Variants in MTOR observed in about 807,000 individuals in gnomAD.
MTOR encodes mechanistic target of rapamycin kinase.
In MTOR, 70 loss-of-function variants were observed where a neutral mutation model predicts 319.8. That is an observed-to-expected ratio of 0.22 (90% CI 0.18 to 0.27). The LOEUF is 0.27. Among genes scored for constraint, MTOR ranks in the 10% least tolerant of loss-of-function variants. The probability of loss-of-function intolerance (pLI) is 1.00; values close to 1 mark genes in which losing one functional copy is unlikely to be tolerated. For synonymous variants in MTOR, 1,183 were observed against 1,211.4 expected, an observed-to-expected ratio of 0.98 and a Z score of 0.49; for missense variants, 1,890 against 3,274.4, an observed-to-expected ratio of 0.58 and a Z score of 10.32.
At position 11,182,939 on chromosome 1, in the gene MTOR, C is replaced by T. The variant is rs1645207087; in HGVS notation, c.4254-15422G>A. 2.0e-5 allele frequency among the ~76,000 whole-genome samples: 3 copies of T among 152,194 alleles called. No individual in the cohort carries two copies. The South Asian group carries it at 6.2e-4, about 32-fold the overall frequency. On this transcript the variant is annotated intron_variant, in intron 28 of 57. Transcript: ENST00000361445. ...AGTACGCGGACACTCTTGTCCATGT[C>T]TTCTGGAGCATGTGTGCTTGCACTT...
intron 25 of MTOR, among the ~76,000 whole-genome samples, chr1:11,208,587 A>T (rs1043978261): frequency 1.3e-5 from 2 of 152,258 alleles, no homozygotes; most frequent in African/African-American, 4.8e-5. Context: ...CACCAGAAAC[A>T]TGAAAGACTA....
chr1:11,252,103 C>A (rs143993223), intron 6 of MTOR, among the ~76,000 whole-genome samples: 126 of 152,216 alleles, frequency 8.3e-4, no homozygotes, highest in African/African-American at 2.6e-3. Context: ...ATGCTCAAGT[C>A]CCTCCGATAA....
In MTOR at chr1:11,233,527, C is replaced by T. The variant is rs145684115; in HGVS notation, c.2332-40G>A. The T allele has an allele frequency of 8.0e-5, 119 of 1,494,436 alleles. 1 individual carries two copies. The African/African-American group carries it at 1.2e-3, about 15-fold the overall frequency. 92.6% of individuals were successfully genotyped at this position (1,494,436 alleles called of 1,614,324 possible). A position where few individuals can be genotyped will look rare whatever the true frequency, so the allele number is the denominator to read the frequency against. On this transcript the variant is annotated intron_variant, in intron 14 of 57. Transcript: ENST00000361445. ...TATGAGAAAATGAATGCAGATTAGACTCTACTAGAAACCTTTCTTTTATAT... is the reference window on the plus strand; with the variant it reads ...TATGAGAAAATGAATGCAGATTAGATTCTACTAGAAACCTTTCTTTTATAT...
In MTOR at chr1:11,127,252, G is replaced by T; in HGVS notation, c.6217-108C>A. The T allele has an allele frequency of 6.8e-7, 1 of 1,465,784 alleles. No homozygotes were observed. 90.8% of individuals were successfully genotyped at this position (1,465,784 alleles called of 1,614,324 possible). A position where few individuals can be genotyped will look rare whatever the true frequency, so the allele number is the denominator to read the frequency against. ...ATTCCTCAGGAGCCCGCTGTGGCCTGAAAACACTGGCAGGGGGCTGGAGAA... is the reference window on the plus strand; with the variant it reads ...ATTCCTCAGGAGCCCGCTGTGGCCTTAAAACACTGGCAGGGGGCTGGAGAA... On this transcript the variant is annotated intron_variant, in intron 44 of 57. Transcript: ENST00000361445. This position sits in a 1 kb window ranked among gnomAD's most constrained non-coding sequence, Gnocchi z 5.5.
intron 8 of MTOR, among the ~76,000 whole-genome samples, chr1:11,246,969 T>C (rs1039388628): frequency 2.0e-5 from 3 of 152,210 alleles, no homozygotes; most frequent in East Asian, 1.9e-4. Context: ...ATGCTGCTCA[T>C]CTTGGGAGGC....
At chr1:11,111,912 G>A (rs1355366376) in intron 54 of MTOR, among the ~76,000 whole-genome samples, 2 of 151,922 alleles carry the variant, frequency 1.3e-5, no homozygotes, top group Non-Finnish European at 2.9e-5. Context: ...GGGATGGGGA[G>A]TGCGGGGAAG....
At chr1:11,218,159 C>T (rs530740801) in intron 19 of MTOR, among the ~76,000 whole-genome samples, 4 of 152,170 alleles carry the variant, frequency 2.6e-5, no homozygotes, top group Admixed American at 6.5e-5. Context: ...AGGCCGGGCG[C>T]GGTGGTTCAC....
rs2100909779 is a variant in MTOR at position 11,240,413 on chromosome 1, T to C, written c.1676A>G (p.Lys559Arg). ...HKPLRHPGMP[K>R]GLAHQLASPG... ...AGAGGCCAGCTGATGGGCCAGGCCC[T>C]TGGGCATGCCTGGGTGGCGAAGGGG... Residue 559 changes from lysine (K) to arginine (R), a missense_variant, in exon 11 of 58, where the codon AAG becomes AGG. Lys to Arg is a conservative substitution (Grantham distance 26). Transcript: ENST00000361445. 6.2e-7 allele frequency: 1 copy of C among 1,614,242 alleles called. No individual in the cohort carries two copies. The highest frequency in any genetic ancestry group is 8.5e-7 in the Non-Finnish European group (1 of 1,180,042).
intron 34 of MTOR, 146 bp downstream of exon 34, chr1:11,144,502 C>T: frequency 1.6e-6 from 1 of 619,580 alleles, no homozygotes; most frequent in Non-Finnish European, 2.8e-6. Flanking sequence ...TTTGAGTATT[C>T]TGCTTTGTAT....
At chr1:11,222,870 A>G (rs1362059493) in intron 19 of MTOR, among the ~76,000 whole-genome samples, 2 of 152,148 alleles carry the variant, frequency 1.3e-5, no homozygotes. Flanking sequence ...GACTGGGAAA[A>G]AGGCTGATAG....
At chr1:11,179,550 C>A (rs1645082837) in intron 28 of MTOR, among the ~76,000 whole-genome samples, 1 of 152,180 alleles carries the variant, frequency 6.6e-6, no homozygotes, top group Non-Finnish European at 1.5e-5. Context: ...AGGAGAAACC[C>A]CAGAACTCTC....
Position 11,174,218 on chromosome 1 carries a change from GGT to G in MTOR, c.4254-6703_4254-6702del, listed in dbSNP as rs1364734716. 2.0e-5 allele frequency among the ~76,000 whole-genome samples: 3 copies of G among 152,128 alleles called. No individual in the cohort carries two copies. The East Asian group carries it at 5.8e-4, about 29-fold the overall frequency. On this transcript the variant is annotated intron_variant, in intron 28 of 57. Transcript: ENST00000361445. Reference sequence around the variant, plus strand: ...AAGCTCTGCAATGGGAGGGACAGGCGGTGTCTTAGCTTTCTCCTCTTGGCATC... The same window carrying G: ...AAGCTCTGCAATGGGAGGGACAGGCGGTCTTAGCTTTCTCCTCTTGGCATC...
At chr1:11,108,763 G>A (rs1258996342) in intron 56 of MTOR, among the ~76,000 whole-genome samples, 13 of 151,098 alleles carry the variant, frequency 8.6e-5, no homozygotes, top group African/African-American at 1.9e-4. Flanking sequence ...GGCCGGGTGC[G>A]GTGGGTGAAT....
Position 11,257,988 on chromosome 1 carries a change from T to TA in MTOR, c.271+496dup, listed in dbSNP as rs753755903. Among the ~76,000 whole-genome samples the TA allele has an allele frequency of 6.0e-4, 91 of 151,770 alleles. 1 individual carries two copies. The highest frequency in any genetic ancestry group is 4.6e-4 in the Non-Finnish European group (31 of 67,982). On this transcript the variant is annotated intron_variant, in intron 3 of 57. Coordinates refer to ENST00000361445, the MANE Select transcript of MTOR (RefSeq NM_004958.4). ...AGCTGGGCATGGTGGCAGGTGCCTG[T>TA]AATCCCAGCTACTCGGGAGGCTGAG...
intron 49 of MTOR, among the ~76,000 whole-genome samples, chr1:11,119,178 C>T (rs1399950437): frequency 2.0e-5 from 3 of 152,088 alleles, no homozygotes; most frequent in Non-Finnish European, 4.4e-5. Context: ...TGCCTGTAAT[C>T]CCAGCACTTT....
chr1:11,146,336 T>C (rs1274986098), intron 32 of MTOR, among the ~76,000 whole-genome samples: 1 of 152,240 alleles, frequency 6.6e-6, no homozygotes, highest in Non-Finnish European at 1.5e-5. Context: ...GACTGATTTC[T>C]GCTGCACAGT....
chr1:11,139,608 G>C lies in MTOR; in HGVS notation c.4923C>G (p.Ser1641=). 1 of 1,614,132 alleles carries C rather than the reference G, an allele frequency of 6.2e-7. No homozygotes were observed. The highest frequency in any genetic ancestry group is 1.1e-5 in the South Asian group (1 of 91,074). Residue 1641 remains serine, a synonymous_variant, in exon 35 of 58, where the codon TCC becomes TCG. Transcript: ENST00000361445. ...EDWQKILMVR[S]LVVSPHEDMR... The stretch of plus-strand genomic sequence containing the variant: ...TGTCTTCATGAGGGCTGACCACAAG[G>C]GACCGCACCATAAGGATTTTCTGCC...
intron 56 of MTOR, among the ~76,000 whole-genome samples, chr1:11,108,766 G>GGCCAAGGCA: frequency 6.7e-6 from 1 of 150,262 alleles, no homozygotes; most frequent in Non-Finnish European, 1.5e-5. Flanking sequence ...CGGGTGCGGT[G>GGCCAAGGCA]GGTGAATCAC....
At chr1:11,244,307 A>AAAAG (rs1648518476) in intron 8 of MTOR, among the ~76,000 whole-genome samples, 1 of 147,470 alleles carries the variant, frequency 6.8e-6, no homozygotes, top group South Asian at 2.1e-4. Context: ...AAAAAAAAAA[A>AAAAG]AAAAAAAAAG....
Sources: gnomAD v4.1 joint callset for allele counts (sites outside exome capture counted in the v4.1 genomes callset) on GRCh38, gnomAD v4.1.1 for gene constraint, Gnocchi (gnomAD v3.1) non-coding constraint, MANE v1.5 for transcripts, NCBI Gene and HGNC (gene_info 2026-07-23, HGNC 2026-07-21) for gene names.